TBCK: variants seen among roughly 807,000 people sequenced by gnomAD.
TBCK encodes the protein TBC domain-containing protein kinase-like protein.
A neutral mutation model predicts 113.4 loss-of-function variants in TBCK; 99 were observed. The ratio of observed to expected loss-of-function variants is 0.87; its 90% CI spans 0.74 to 1.03. TBCK has a LOEUF of 1.03. Ranked by LOEUF, TBCK falls within the 50% of genes least tolerant of loss-of-function variation. The pLI is 0.00. For missense variants in TBCK, 1,045 were observed against 1,061.3 expected (o/e 0.98, Z 0.21); for synonymous variants, 369 against 370.8 (o/e 1.00, Z 0.05).
intron 5 of TBCK, among the ~76,000 whole-genome samples, chr4:106,258,215 G>C (rs1020009069): frequency 1.3e-5 from 2 of 151,998 alleles, no homozygotes; most frequent in Admixed American, 1.3e-4. Context: ...TTTGCTGTGA[G>C]TATGACTGAT....
intron 3 of TBCK, among the ~76,000 whole-genome samples, chr4:106,265,930 T>C (rs1762953106): frequency 6.6e-6 from 1 of 151,876 alleles, no homozygotes; most frequent in South Asian, 2.1e-4. Flanking sequence ...AAGAATGCTA[T>C]TTAAATTGAC....
chr4:106,114,926 A>T (rs1448622255), intron 24 of TBCK, among the ~76,000 whole-genome samples: 1 of 152,180 alleles, frequency 6.6e-6, no homozygotes, highest in Non-Finnish European at 1.5e-5. Flanking sequence ...CTCTGCAAAG[A>T]GTTTCTAGTA....
At chr4:106,129,369 A>G (rs1042828037) in intron 23 of TBCK, among the ~76,000 whole-genome samples, 11 of 152,108 alleles carry the variant, frequency 7.2e-5, no homozygotes, top group Admixed American at 2.6e-4. Context: ...TTCAGCTCCC[A>G]CTTATAAGTG....
intron 3 of TBCK, among the ~76,000 whole-genome samples, chr4:106,279,206 G>A (rs746646329): frequency 1.8e-4 from 28 of 152,162 alleles, no homozygotes; most frequent in African/African-American, 3.9e-4. Context: ...AAGTTTCCTC[G>A]CTAACTGAAG....
At chr4:106,075,978 ACTGAGTT>A (rs1347570248) in intron 25 of TBCK, among the ~76,000 whole-genome samples, 1 of 152,256 alleles carries the variant, frequency 6.6e-6, no homozygotes, top group Non-Finnish European at 1.5e-5. Flanking sequence ...TTCGGAGCTC[ACTGAGTT>A]AAGGGTGTGA....
chr4:106,276,181 A>T (rs2125764395), intron 3 of TBCK, among the ~76,000 whole-genome samples: 1 of 152,348 alleles, frequency 6.6e-6, no homozygotes, highest in South Asian at 2.1e-4. Context: ...AAATTCTTTT[A>T]AACGATCAGA....
intron 23 of TBCK, among the ~76,000 whole-genome samples, chr4:106,167,131 T>C (rs10025856): frequency 1.4e-5 from 2 of 143,102 alleles, no homozygotes; most frequent in Non-Finnish European, 1.5e-5. Context: ...TATATATATA[T>C]AGAGAGAGAG....
chr4:106,043,889 G>A lies in TBCK; in HGVS notation c.*2681C>T, dbSNP rs753936375. 2.0e-5 allele frequency: 3 copies of A among 151,994 alleles called. No individual in the cohort carries two copies. The highest frequency in any genetic ancestry group is 4.4e-5 in the Non-Finnish European group (3 of 68,016). 9.4% of individuals were successfully genotyped at this position (151,994 alleles called of 1,614,324 possible). On this transcript the variant is annotated 3_prime_UTR_variant, in exon 26 of 26. Transcript: ENST00000394708. ...CTCAAATAAATCCTGGGTTATATAC[G>A]TTTAATCTAACAAATAGTTGTTGAG...
At chr4:106,134,713 C>T (rs1746361109) in intron 23 of TBCK, among the ~76,000 whole-genome samples, 2 of 152,112 alleles carry the variant, frequency 1.3e-5, no homozygotes. Flanking sequence ...TTGGGCATAC[C>T]TAAAATAAGG....
Position 106,236,782 on chromosome 4 carries a change from T to C in TBCK, c.1197A>G (p.Ala399=), listed in dbSNP as rs2150011717. The change falls in exon 13 of 26, where the codon GCA becomes GCG. Residue 399 remains alanine (A), a synonymous_variant. Coordinates refer to ENST00000394708, the MANE Select transcript of TBCK (RefSeq NM_001163435.3). ...RNRLKDVGGE[A]FYPLLEDDQS... ...ACTCATCTTCAAGTAATGGGTAAAA[T>C]GCTTCTCCACCAACATCTTTCAATC... 3.3e-6 allele frequency: 5 copies of C among 1,521,088 alleles called. No homozygotes were observed. The allele number at this position is 1,521,088 out of a possible 1,614,324, so 94.2% of individuals were successfully genotyped here.
intron 19 of TBCK, among the ~76,000 whole-genome samples, chr4:106,228,295 C>T (rs1011345272): frequency 2.0e-4 from 30 of 151,272 alleles, no homozygotes; most frequent in Admixed American, 1.5e-3. Context: ...TAACTGTAGT[C>T]ACCCTGTTGT....
At chr4:106,166,319 T>C (rs1309468136) in intron 23 of TBCK, among the ~76,000 whole-genome samples, 1 of 151,670 alleles carries the variant, frequency 6.6e-6, no homozygotes, top group East Asian at 1.9e-4. Context: ...AAAATAAACA[T>C]GTTAACTAAA....
chr4:106,151,556 T>C (rs1748488341), intron 23 of TBCK, among the ~76,000 whole-genome samples: 1 of 152,036 alleles, frequency 6.6e-6, no homozygotes, highest in South Asian at 2.1e-4. Context: ...TTCTTCTTTA[T>C]GGTCTTTTGT....
rs753980118 is a variant in TBCK at position 106,197,432 on chromosome 4, T to TATAA, written c.1861-2679_1861-2678insTTAT. 4.8e-5 allele frequency among the ~76,000 whole-genome samples: 7 copies of TATAA among 146,476 alleles called. No homozygotes were observed. In the South Asian group the frequency reaches 1.1e-3, roughly 22 times the overall value. On this transcript the variant is annotated intron_variant, in intron 20 of 25. Coordinates refer to ENST00000394708, the MANE Select transcript of TBCK (RefSeq NM_001163435.3). ...GTGTGTATATATATATATATATATA[T>TATAA]AATACAAAGTAGGGCAGAAACCACT...
chr4:106,148,739 A>T (rs1454948895), intron 23 of TBCK, among the ~76,000 whole-genome samples: 1 of 152,174 alleles, frequency 6.6e-6, no homozygotes, highest in South Asian at 2.1e-4. Flanking sequence ...TATAATTCTT[A>T]AGAGCCCTAG....
At chr4:106,050,533 AG>A (rs371773739) in intron 25 of TBCK, among the ~76,000 whole-genome samples, 1 of 152,098 alleles carries the variant, frequency 6.6e-6, no homozygotes, top group African/African-American at 2.4e-5. Flanking sequence ...CAGTAACAAA[AG>A]GGTGACTAGA....
intron 11 of TBCK, 27 bp from the exon 12 acceptor site, chr4:106,242,596 T>A: frequency 1.5e-6 from 2 of 1,379,178 alleles, no homozygotes; most frequent in Non-Finnish European, 2.0e-6. Context: ...AAAAATAATA[T>A]GTACACAAAA....
chr4:106,082,115 A>T (rs1434773825), intron 25 of TBCK, among the ~76,000 whole-genome samples: 10 of 152,350 alleles, frequency 6.6e-5, no homozygotes, highest in African/African-American at 2.4e-4. Context: ...CCCAAAGGAT[A>T]ATAAATTCTT....
At chr4:106,287,576 G>T (rs746980685) in intron 3 of TBCK, among the ~76,000 whole-genome samples, 3 of 152,220 alleles carry the variant, frequency 2.0e-5, no homozygotes, top group Non-Finnish European at 4.4e-5. Flanking sequence ...GTGTGTGTTT[G>T]TTGACACTAG....
Sources: gnomAD v4.1 joint callset for allele counts (sites outside exome capture counted in the v4.1 genomes callset) on GRCh38, gnomAD v4.1.1 for gene constraint, MANE v1.5 for transcripts, NCBI Gene and HGNC (gene_info 2026-07-23, HGNC 2026-07-21) for gene names.